The following EXT2 variants were observed in gnomAD, a reference collection of about 807,000 sequenced individuals.
EXT2 encodes exostosin glycosyltransferase 2.
A neutral mutation model predicts 81.6 loss-of-function variants in EXT2; 53 were observed. The observed-to-expected ratio is 0.65, with a 90% confidence interval of 0.52 to 0.82. The LOEUF is 0.82. EXT2 is among the 40% of genes least tolerant of loss of function. EXT2 has a pLI of 0.00. For synonymous variants in EXT2, 320 were observed against 340.0 expected (o/e 0.94, Z 0.65); for missense variants, 774 against 910.2 (o/e 0.85, Z 1.93).
chr11:44,165,428 T>G (rs955178586), intron 7 of EXT2, among the ~76,000 whole-genome samples: 1 of 152,200 alleles, frequency 6.6e-6, no homozygotes, highest in Non-Finnish European at 1.5e-5. Flanking sequence ...CCTGAGAAGT[T>G]CACTTATCCC....
intron 4 of EXT2, among the ~76,000 whole-genome samples, chr11:44,117,510 A>G (rs913911673): frequency 6.6e-6 from 1 of 152,134 alleles, no homozygotes; most frequent in African/African-American, 2.4e-5. Context: ...TGGGGGTCCA[A>G]CTTCATTCTT....
chr11:44,101,889 A>G (rs1053734076), intron 1 of EXT2, among the ~76,000 whole-genome samples: 1 of 150,724 alleles, frequency 6.6e-6, no homozygotes, highest in African/African-American at 2.4e-5. Context: ...CGAATAGAAC[A>G]TGGTGTTTCT....
At chr11:44,213,916 T>G (rs1020987044) in intron 10 of EXT2, among the ~76,000 whole-genome samples, 5 of 152,184 alleles carry the variant, frequency 3.3e-5, no homozygotes, top group Non-Finnish European at 7.4e-5. Flanking sequence ...ATAGTATAAA[T>G]TTACATAAAT....
chr11:44,184,908 A>G (rs1472746483), intron 8 of EXT2, among the ~76,000 whole-genome samples: 2 of 152,208 alleles, frequency 1.3e-5, no homozygotes, highest in South Asian at 2.1e-4. Context: ...CTTAAGATGA[A>G]TGGCTCATAT....
At chr11:44,175,705 A>G (rs1255369562) in intron 8 of EXT2, among the ~76,000 whole-genome samples, 2 of 152,320 alleles carry the variant, frequency 1.3e-5, no homozygotes, top group Non-Finnish European at 1.5e-5. Flanking sequence ...CCTTAAGGTC[A>G]TTTCTGACCT....
intron 7 of EXT2, among the ~76,000 whole-genome samples, chr11:44,137,589 G>A (rs1954589242): frequency 6.6e-6 from 1 of 151,612 alleles, no homozygotes; most frequent in Non-Finnish European, 1.5e-5. Context: ...TAGATGGAGA[G>A]ACCATAAAGC....
At chr11:44,229,901 A>T (rs1409062608) in intron 10 of EXT2, among the ~76,000 whole-genome samples, 1 of 152,222 alleles carries the variant, frequency 6.6e-6, no homozygotes, top group African/African-American at 2.4e-5. Flanking sequence ...CATACCAGGC[A>T]CTGTTCTTTG....
At chr11:44,190,165 T>C (rs1297873642) in intron 8 of EXT2, among the ~76,000 whole-genome samples, 2 of 152,186 alleles carry the variant, frequency 1.3e-5, no homozygotes, top group Non-Finnish European at 2.9e-5. Context: ...AAAGGAGAAA[T>C]GAAAGGGTTA....
chr11:44,242,362 A>G (rs1299776475), intron 13 of EXT2, among the ~76,000 whole-genome samples: 1 of 152,154 alleles, frequency 6.6e-6, no homozygotes, highest in Non-Finnish European at 1.5e-5. Flanking sequence ...TCACTTTGTT[A>G]AAGTTCATCC....
intron 5 of EXT2, among the ~76,000 whole-genome samples, chr11:44,126,310 A>G (rs1013549238): frequency 6.6e-6 from 1 of 152,248 alleles, no homozygotes; most frequent in Non-Finnish European, 1.5e-5. Context: ...CTATATAAAA[A>G]GCACACTGTT....
At chr11:44,203,459 C>T (rs989697766) in intron 9 of EXT2, among the ~76,000 whole-genome samples, 1 of 152,174 alleles carries the variant, frequency 6.6e-6, no homozygotes, top group Non-Finnish European at 1.5e-5. Context: ...CCCTCGTATA[C>T]ACACAGAATT....
chr11:44,212,853 A>G (rs1172567841), intron 10 of EXT2, among the ~76,000 whole-genome samples: 1 of 152,246 alleles, frequency 6.6e-6, no homozygotes, highest in Non-Finnish European at 1.5e-5. Flanking sequence ...CTCCGTGTAT[A>G]TGAAATTCTA....
intron 4 of EXT2, among the ~76,000 whole-genome samples, chr11:44,119,120 CTATTTATATATATATA>C (rs1954265359): frequency 1.0e-4 from 3 of 28,802 alleles, no homozygotes; most frequent in South Asian, 2.7e-3. Flanking sequence ...GGACATTTGG[CTATTTATATATATATA>C]TATATATATA....
In EXT2 at chr11:44,119,179, C is replaced by G. The variant is rs1296891172; in HGVS notation, c.743+4878C>G. Among the ~76,000 whole-genome samples the G allele has an allele frequency of 2.8e-5, 3 of 108,520 alleles. No homozygotes were observed. In the East Asian group the frequency reaches 9.4e-4, roughly 34 times the overall value. 71.2% of individuals were successfully genotyped at this position (108,520 alleles called of 152,430 possible). A position where few individuals can be genotyped will look rare whatever the true frequency, so the allele number is the denominator to read the frequency against. ...ATATATATATATATATACACATACA[C>G]ACACACACACACACATTTTTGACTG... On this transcript the variant is annotated intron_variant, in intron 4 of 13. Coordinates refer to ENST00000533608, the MANE Select transcript of EXT2 (RefSeq NM_207122.2).
chr11:44,098,534 A>G (rs1414093742), intron 1 of EXT2, among the ~76,000 whole-genome samples: 1 of 152,060 alleles, frequency 6.6e-6, no homozygotes, highest in Non-Finnish European at 1.5e-5. Flanking sequence ...CTCTACTAAA[A>G]AATACAAAAA....
chr11:44,238,832 A>G (rs1043399437), intron 13 of EXT2, among the ~76,000 whole-genome samples: 5 of 152,192 alleles, frequency 3.3e-5, no homozygotes, highest in Non-Finnish European at 5.9e-5. Flanking sequence ...CAACAAGAAG[A>G]AGCCCAATTT....
intron 7 of EXT2, among the ~76,000 whole-genome samples, chr11:44,146,011 T>G (rs898847868): frequency 1.3e-5 from 2 of 152,198 alleles, no homozygotes; most frequent in African/African-American, 4.8e-5. Context: ...GAAATCTATT[T>G]CTCACAGTTC....
chr11:44,114,311 A>G lies in EXT2; in HGVS notation c.743+10A>G, dbSNP rs762753229. The G allele has an allele frequency of 2.5e-6, 4 of 1,608,224 alleles. No individual in the cohort carries two copies. Among genetic ancestry groups the G allele is most frequent in the African/African-American group, 2.7e-5 (2 of 74,898 alleles). ...CAGAGAAAGGACCAGGGTAAGGTAC[A>G]TTCATCCCAGCCAGGTGTGCCTTTA... On this transcript the variant is annotated intron_variant, in intron 4 of 13. Coordinates refer to ENST00000533608, the MANE Select transcript of EXT2 (RefSeq NM_207122.2).
chr11:44,124,905 C>A lies in EXT2; in HGVS notation c.860C>A (p.Thr287Asn), dbSNP rs886048275. 6.2e-6 allele frequency: 10 copies of A among 1,614,004 alleles called. No homozygotes were observed. Among genetic ancestry groups the A allele is most frequent in the Non-Finnish European group, 7.6e-6 (9 of 1,180,040 alleles). The part of the protein sequence containing the change: ...GESVLVLDKC[T>N]NLSEGVLSVR... ...TCAGTGTTAGTACTCGATAAATGCA[C>A]CAACCTCTCAGAGGGTGTCCTTTCT... Residue 287 changes from threonine to asparagine, a missense_variant, in exon 5 of 14, where the codon ACC becomes AAC. Physicochemically the swap from Thr to Asn is moderately conservative, Grantham distance 65 (BLOSUM62 0). Around this residue, in one of 2 missense-constraint regions of EXT2, gnomAD observed 626 missense variants for 670.5 expected, o/e 0.93. Transcript: ENST00000533608.
Sources: allele counts gnomAD v4.1 joint callset (sites outside exome capture counted in the v4.1 genomes callset), GRCh38; gene constraint gnomAD v4.1.1; regional missense constraint gnomAD v4.1.1; transcripts MANE v1.5; gene names NCBI Gene and HGNC (gene_info 2026-07-23, HGNC 2026-07-21).